Variants in SV2B observed in about 807,000 individuals in gnomAD.
The protein encoded by SV2B is solute carrier family 22 member B2.
Under a neutral mutation model 73.9 loss-of-function variants are expected in SV2B, and 41 were observed. The ratio of observed to expected loss-of-function variants is 0.56; its 90% confidence interval spans 0.43 to 0.72. SV2B has a LOEUF of 0.72. Ranked by LOEUF, SV2B falls within the 30% of genes least tolerant of loss-of-function variation. SV2B has a pLI of 0.00. For synonymous variants in SV2B, 314 were observed against 314.2 expected (o/e 1.00, Z 0.01); for missense variants, 764 against 857.8 (o/e 0.89, Z 1.37).
chr15:91,144,551 TG>T (rs144876535), intron 1 of SV2B, among the ~76,000 whole-genome samples: 1 of 152,316 alleles, frequency 6.6e-6, no homozygotes, highest in African/African-American at 2.4e-5. Context: ...TCTTAATAAT[TG>T]ATGTGTGCAT....
At chr15:91,204,441 T>C (rs1340092043) in intron 1 of SV2B, among the ~76,000 whole-genome samples, 1 of 152,108 alleles carries the variant, frequency 6.6e-6, no homozygotes, top group Non-Finnish European at 1.5e-5. Context: ...TAGAATAAAA[T>C]TTAACCCACA....
chr15:91,152,726 A>G (rs2141222276), intron 1 of SV2B, among the ~76,000 whole-genome samples: 1 of 152,288 alleles, frequency 6.6e-6, no homozygotes, highest in Admixed American at 6.5e-5. Context: ...ATATTAGCAA[A>G]GGTCAGAAAG....
At chr15:91,144,542 C>T (rs1396719147) in intron 1 of SV2B, among the ~76,000 whole-genome samples, 1 of 152,138 alleles carries the variant, frequency 6.6e-6, no homozygotes, top group Non-Finnish European at 1.5e-5. Context: ...ATAATACTTT[C>T]TTAATAATTG....
At position 91,118,985 on chromosome 15, in the gene SV2B, C is replaced by T. The variant is rs545846085; in HGVS notation, c.-392+18622C>T. On this transcript the variant is annotated intron_variant, in intron 1 of 12. Coordinates refer to ENST00000394232, the MANE Select transcript of SV2B (RefSeq NM_001323032.3). This position sits in a 1 kb window ranked among gnomAD's most constrained non-coding sequence, Gnocchi z 4.7. ...GTGGGGGTGGGCGTGCTGGCTGATC[C>T]GCTTGGGGCTCCCGGCTTTTACTCC... 1.3e-5 allele frequency among the ~76,000 whole-genome samples: 2 copies of T among 152,116 alleles called. No individual in the cohort carries two copies. The highest frequency in any genetic ancestry group is 2.4e-5 in the African/African-American group (1 of 41,420).
chr15:91,296,793 T>A lies in SV2B; in HGVS notation c.*4241T>A, dbSNP rs1215632259. 2.0e-5 allele frequency: 3 copies of A among 148,246 alleles called. No homozygotes were observed. Among genetic ancestry groups the A allele is most frequent in the Non-Finnish European group, 2.9e-5 (2 of 68,236 alleles). 9.2% of individuals were successfully genotyped at this position (148,246 alleles called of 1,614,324 possible). ...GGAGCACACTCCTTCTGCCCAATCA[T>A]TGGGCTCACGCTCCTTCTGCCCGAT... On this transcript the variant is annotated 3_prime_UTR_variant, in exon 13 of 13. Transcript: ENST00000394232.
intron 9 of SV2B, among the ~76,000 whole-genome samples, chr15:91,275,459 G>T (rs1275158773): frequency 6.6e-6 from 1 of 152,070 alleles, no homozygotes. Flanking sequence ...TTTTACATAT[G>T]CTATAAACAC....
rs780419153 is a variant in SV2B at position 91,141,688 on chromosome 15, A to AT, written c.-392+41332dup. ...TGCTTAATAAATCATTCATATTATTATTTTTTTCCTAAGGGTTCAAGCCAA... is the reference window on the plus strand; with the variant it reads ...TGCTTAATAAATCATTCATATTATTATTTTTTTTCCTAAGGGTTCAAGCCAA... On this transcript the variant is annotated intron_variant, in intron 1 of 12. Transcript: ENST00000394232. The surrounding 1 kb of genome is among the most constrained non-coding windows in gnomAD (Gnocchi z 4.6). Among the ~76,000 whole-genome samples the AT allele has an allele frequency of 3.3e-5, 5 of 149,298 alleles. No individual in the cohort carries two copies. Among genetic ancestry groups the AT allele is most frequent in the African/African-American group, 4.9e-5 (2 of 40,456 alleles).
intron 1 of SV2B, among the ~76,000 whole-genome samples, chr15:91,145,884 C>T (rs528354139): frequency 6.6e-6 from 1 of 152,188 alleles, no homozygotes; most frequent in East Asian, 1.9e-4. Flanking sequence ...GGATATTAGA[C>T]CTTAGTCAGA....
In SV2B at chr15:91,284,166, C is replaced by G; in HGVS notation, c.1653C>G (p.Pro551=). 6.2e-7 allele frequency: 1 copy of G among 1,614,170 alleles called. No individual in the cohort carries two copies. The highest frequency in any genetic ancestry group is 8.5e-7 in the Non-Finnish European group (1 of 1,180,042). Residue 551 remains proline, a synonymous_variant, in exon 11 of 13, where the codon CCC becomes CCG. Coordinates refer to ENST00000394232, the MANE Select transcript of SV2B (RefSeq NM_001323032.3). The surrounding 1 kb of genome is among the most constrained non-coding windows in gnomAD (Gnocchi z 4.5). ...VSFLGSLSVL[P]GNIISALLMD... ...TCCTGGGCAGCCTGTCTGTCTTACC[C>G]GGGAACATCATTTCTGCCCTGCTCA...
rs1295898289 is a variant in SV2B at position 91,112,899 on chromosome 15, C to T, written c.-392+12536C>T. Among the ~76,000 whole-genome samples the T allele has an allele frequency of 2.0e-5, 3 of 152,334 alleles. No homozygotes were observed. The East Asian group carries it at 5.8e-4, about 29-fold the overall frequency. On this transcript the variant is annotated intron_variant, in intron 1 of 12. Transcript: ENST00000394232. ...TGGTGCCGTCATGGCTCACTGCAGCCTCAAACTCCTGGGCTCAAGAGACCC... is the reference window on the plus strand; with the variant it reads ...TGGTGCCGTCATGGCTCACTGCAGCTTCAAACTCCTGGGCTCAAGAGACCC...
At chr15:91,211,801 C>CTTTTTTT (rs775815258) in intron 1 of SV2B, among the ~76,000 whole-genome samples, 12 of 105,990 alleles carry the variant, frequency 1.1e-4, no homozygotes, top group African/African-American at 2.0e-4. Context: ...CTCGCCTGGG[C>CTTTTTTT]TTTTTTTTTT....
intron 1 of SV2B, among the ~76,000 whole-genome samples, chr15:91,208,692 T>C (rs1443505246): frequency 6.6e-6 from 1 of 152,176 alleles, no homozygotes; most frequent in Non-Finnish European, 1.5e-5. Context: ...CCCCTCCTTG[T>C]ATATGACAAC....
In SV2B at chr15:91,229,049, C is replaced by G. The variant is rs577123424; in HGVS notation, c.451+2335C>G. On this transcript the variant is annotated intron_variant, in intron 2 of 12. Coordinates refer to ENST00000394232, the MANE Select transcript of SV2B (RefSeq NM_001323032.3). The surrounding 1 kb of genome is among the most constrained non-coding windows in gnomAD (Gnocchi z 4.3). ...GTCTATTTGACTTCAAAGTCTATGCCCATTCTGCCACACCATACTGCCTTT... is the reference window on the plus strand; with the variant it reads ...GTCTATTTGACTTCAAAGTCTATGCGCATTCTGCCACACCATACTGCCTTT... Among the ~76,000 whole-genome samples the G allele has an allele frequency of 1.5e-4, 23 of 152,300 alleles. No homozygotes were observed. In the East Asian group the frequency reaches 3.1e-3, roughly 20 times the overall value.
chr15:91,168,180 C>T (rs2043982530), intron 1 of SV2B, among the ~76,000 whole-genome samples: 2 of 152,144 alleles, frequency 1.3e-5, no homozygotes, highest in African/African-American at 2.4e-5. Flanking sequence ...ATTGCCCTCA[C>T]AGTCTCTGGC....
chr15:91,182,075 A>C (rs749256654), intron 1 of SV2B, among the ~76,000 whole-genome samples: 1 of 152,186 alleles, frequency 6.6e-6, no homozygotes, highest in Non-Finnish European at 1.5e-5. Context: ...CCACATTATC[A>C]CTGGCCTTCT....
At chr15:91,287,952 C>A (rs920218487) in intron 11 of SV2B, among the ~76,000 whole-genome samples, 3 of 152,168 alleles carry the variant, frequency 2.0e-5, no homozygotes, top group African/African-American at 7.2e-5. Flanking sequence ...GAACTGGGGT[C>A]TTGGAGGGAT....
intron 1 of SV2B, among the ~76,000 whole-genome samples, chr15:91,221,519 T>C (rs1454116515): frequency 6.6e-6 from 1 of 152,100 alleles, no homozygotes; most frequent in Non-Finnish European, 1.5e-5. Flanking sequence ...AGTCCAGAAT[T>C]TGGCTCCTTA....
intron 1 of SV2B, among the ~76,000 whole-genome samples, chr15:91,168,439 T>C (rs2043999395): frequency 6.6e-6 from 1 of 152,140 alleles, no homozygotes; most frequent in African/African-American, 2.4e-5. Context: ...TTCCTGCAGC[T>C]GCTGGGGGAG....
chr15:91,166,744 C>T (rs2055668232), intron 1 of SV2B, among the ~76,000 whole-genome samples: 1 of 151,808 alleles, frequency 6.6e-6, no homozygotes, highest in Admixed American at 6.6e-5. Context: ...TCTGTTGAAT[C>T]CATACAGGGA....
Sources: allele counts gnomAD v4.1 joint callset (sites outside exome capture counted in the v4.1 genomes callset), GRCh38; gene constraint gnomAD v4.1.1; non-coding constraint Gnocchi (gnomAD v3.1); transcripts MANE v1.5; gene names NCBI Gene and HGNC (gene_info 2026-07-23, HGNC 2026-07-21).